The following CXADR variants were observed in gnomAD, a reference collection of about 807,000 sequenced individuals.
CXADR encodes the protein CXADR cell adhesion molecule, also known as coxsackievirus and adenovirus receptor.
In CXADR, 20 loss-of-function variants were observed where a neutral mutation model predicts 40.3. That is an observed-to-expected ratio of 0.50 (90% CI 0.35 to 0.72). The LOEUF (loss-of-function observed/expected upper bound fraction) is 0.72. Among genes scored for constraint, CXADR ranks in the 30% least tolerant of loss-of-function variants. The pLI is 0.01. For missense variants in CXADR, 332 were observed against 449.1 expected (o/e 0.74, Z 2.36); for synonymous variants, 150 against 161.3 (o/e 0.93, Z 0.53).
chr21:17,561,271 G>A, intron 5 of CXADR, 67 bp from the exon 6 acceptor site: 1 of 905,774 alleles, frequency 1.1e-6, no homozygotes, highest in Non-Finnish European at 1.6e-6. Context: ...AAAATGTATA[G>A]CCTACCTTCA....
At chr21:17,627,519 C>T in the CXADR span, among the ~76,000 whole-genome samples, 1 of 151,530 alleles carries the variant, frequency 6.6e-6, no homozygotes, top group South Asian at 2.1e-4. Flanking sequence ...ATGCACCTGA[C>T]CTCACCATCC....
the CXADR span, among the ~76,000 whole-genome samples, chr21:17,615,138 T>G: frequency 6.6e-6 from 1 of 152,114 alleles, no homozygotes; most frequent in South Asian, 2.1e-4. Flanking sequence ...ATGAATGGAA[T>G]TAGTGCCCTT....
chr21:17,535,422 T>C (rs2060742673), intron 1 of CXADR, among the ~76,000 whole-genome samples: 1 of 151,882 alleles, frequency 6.6e-6, no homozygotes, highest in African/African-American at 2.4e-5. Context: ...GGTCTTGAAC[T>C]CCTGGACTCA....
intron 1 of CXADR, among the ~76,000 whole-genome samples, chr21:17,537,778 G>A (rs2060778005): frequency 6.6e-6 from 1 of 152,058 alleles, no homozygotes; most frequent in African/African-American, 2.4e-5. Context: ...AAAAAAACCA[G>A]TGATGATCAA....
At chr21:17,558,227 CAAGTCATCCTCCTA>C (rs990642479) in intron 3 of CXADR, among the ~76,000 whole-genome samples, 6 of 151,934 alleles carry the variant, frequency 3.9e-5, no homozygotes, top group Admixed American at 2.0e-4. Flanking sequence ...ATCCTGGTCT[CAAGTCATCCTCCTA>C]CCCCAGCCTC....
At chr21:17,513,375 C>T (rs1600929623) in intron 1 of CXADR, among the ~76,000 whole-genome samples, 1 of 152,028 alleles carries the variant, frequency 6.6e-6, no homozygotes, top group African/African-American at 2.4e-5. Context: ...GGGAGCCGCG[C>T]AGGGCGCGCG....
rs2824377 is a variant in CXADR at position 17,586,165 on chromosome 21, T to C, written c.1018-6987T>C. 6.3e-3 allele frequency among the ~76,000 whole-genome samples: 962 copies of C among 152,222 alleles called. 58 individuals carry two copies. In the East Asian group the frequency reaches 0.13, roughly 21 times the overall value. On this transcript the variant is annotated intron_variant, in intron 7 of 7. Transcript: ENST00000400169. ...CCTCGTCATTAGTGTGCCATTGTCT[T>C]ATCTTTTAATATTTTTAGCCATTTG...
At chr21:17,549,740 A>G (rs1310652891) in intron 2 of CXADR, among the ~76,000 whole-genome samples, 1 of 152,246 alleles carries the variant, frequency 6.6e-6, no homozygotes, top group African/African-American at 2.4e-5. Context: ...AGCCCCCCTT[A>G]AAGGACTACT....
At chr21:17,604,865 G>A in the CXADR span, 1 of 1,612,980 alleles carries the variant, frequency 6.2e-7, no homozygotes, top group Non-Finnish European at 8.5e-7. Flanking sequence ...CTCACCGACA[G>A]CACACCTCAC....
intron 7 of CXADR, chr21:17,576,927 AAG>A (rs1304284765): frequency 6.6e-6 from 1 of 152,210 alleles, no homozygotes; most frequent in Admixed American, 6.5e-5. Context: ...AAAAACAAAA[AAG>A]CACTATATTT....
chr21:17,548,493 C>A (rs948749775), intron 2 of CXADR, among the ~76,000 whole-genome samples: 3 of 152,182 alleles, frequency 2.0e-5, no homozygotes, highest in Admixed American at 6.5e-5. Flanking sequence ...CCTTCTCTCC[C>A]TTCTCTCTCT....
At position 17,564,529 on chromosome 21, in the gene CXADR, T is replaced by C. The variant is rs184325691; in HGVS notation, c.834-899T>C. On this transcript the variant is annotated intron_variant, in intron 6 of 6. Transcript: ENST00000284878. The stretch of plus-strand genomic sequence containing the variant: ...TTTTAAAAATATTAAAACAAAATTT[T>C]CTATACATGGTTTGTTGGCTTCACA... Among the ~76,000 whole-genome samples, 409 of 152,134 alleles carry C rather than the reference T, an allele frequency of 2.7e-3. 5 individuals are homozygous for C. The highest frequency in any genetic ancestry group is 0.01 in the East Asian group (52 of 5,188).
intron 1 of CXADR, chr21:17,518,912 G>A (rs1032724103): frequency 1.1e-4 from 167 of 1,587,198 alleles, no homozygotes; most frequent in East Asian, 1.6e-4. Context: ...GCTGTTTTAT[G>A]TACCACCTTC....
intron 6 of CXADR, among the ~76,000 whole-genome samples, chr21:17,561,761 G>A (rs60401149): frequency 0.036 from 5,408 of 152,104 alleles, 322 homozygotes; most frequent in African/African-American, 0.12. Context: ...ATCCCTGCCT[G>A]CAGTGGTAGG....
At chr21:17,570,684 GT>G (rs1247991881), downstream of CXADR, among the ~76,000 whole-genome samples, 3 of 152,186 alleles carry the variant, frequency 2.0e-5, no homozygotes, top group Non-Finnish European at 2.9e-5. Flanking sequence ...CAGCATAATG[GT>G]GAGATTTGGG....
At chr21:17,529,266 C>T (rs538193638) in intron 1 of CXADR, among the ~76,000 whole-genome samples, 22 of 151,894 alleles carry the variant, frequency 1.4e-4, no homozygotes, top group African/African-American at 5.1e-4. Flanking sequence ...CTCCTGACTT[C>T]GTGATTCACC....
At chr21:17,626,268 T>A in the CXADR span, among the ~76,000 whole-genome samples, 1 of 152,220 alleles carries the variant, frequency 6.6e-6, no homozygotes, top group African/African-American at 2.4e-5. Context: ...ACAGGTTTTT[T>A]AAAAAAATAA....
chr21:17,625,082 C>T, the CXADR span, among the ~76,000 whole-genome samples: 11 of 152,122 alleles, frequency 7.2e-5, no homozygotes, highest in East Asian at 1.9e-3. Context: ...TGGATTTGCC[C>T]TACCTAGACC....
At chr21:17,601,794 A>G in the CXADR span, among the ~76,000 whole-genome samples, 7 of 152,340 alleles carry the variant, frequency 4.6e-5, no homozygotes, top group African/African-American at 1.7e-4. Flanking sequence ...GAAAGGCAAG[A>G]AATTTGAGAA....
Sources: gnomAD v4.1 joint callset for allele counts (sites outside exome capture counted in the v4.1 genomes callset) on GRCh38, gnomAD v4.1.1 for gene constraint, MANE v1.5 for transcripts, NCBI Gene and HGNC (gene_info 2026-07-23, HGNC 2026-07-21) for gene names.